Variants in CBLB observed in about 807,000 individuals in gnomAD.
CBLB encodes Cbl proto-oncogene B.
A neutral mutation model predicts 104.9 loss-of-function variants in CBLB; 31 were observed. The ratio of observed to expected loss-of-function variants is 0.30; its 90% CI spans 0.22 to 0.40. The LOEUF (loss-of-function observed/expected upper bound fraction) is 0.40, where lower values mean the gene tolerates loss of function less well. CBLB is among the 10% of genes least tolerant of loss of function. CBLB has a pLI of 1.00. For missense variants in CBLB, 1,062 were observed against 1,214.6 expected, an observed-to-expected ratio of 0.87 and a Z score of 1.87; for synonymous variants, 440 against 422.6, an observed-to-expected ratio of 1.04 and a Z score of -0.51.
rs2063398449 is a variant in CBLB at position 105,657,085 on chromosome 3, G to A, written c.*1885C>T. The A allele has an allele frequency of 4.4e-6, 1 of 226,844 alleles. No individual in the cohort carries two copies. The highest frequency in any genetic ancestry group is 6.3e-5 in the East Asian group (1 of 15,786). 14.1% of individuals were successfully genotyped at this position (226,844 alleles called of 1,614,324 possible). ...ACCATCTGAAAAAATTCATACAAAA[G>A]CAGAAATTACCCAAGGCCTGTGAGT... On this transcript the variant is annotated 3_prime_UTR_variant, in exon 19 of 19. Coordinates refer to ENST00000394030, the MANE Select transcript of CBLB (RefSeq NM_170662.5).
chr3:105,727,337 G>A (rs1396150049), intron 9 of CBLB, among the ~76,000 whole-genome samples: 1 of 152,152 alleles, frequency 6.6e-6, no homozygotes, highest in Non-Finnish European at 1.5e-5. Context: ...TTTGCTGGCT[G>A]CATAAATGTC....
chr3:105,713,079 G>T (rs1008884335), intron 10 of CBLB, among the ~76,000 whole-genome samples: 2 of 152,052 alleles, frequency 1.3e-5, no homozygotes, highest in Admixed American at 6.6e-5. Context: ...AGACTATGCT[G>T]GGCATTAGAG....
At chr3:105,723,118 T>C (rs982236753) in intron 9 of CBLB, among the ~76,000 whole-genome samples, 20 of 152,290 alleles carry the variant, frequency 1.3e-4, no homozygotes, top group Admixed American at 4.6e-4. Flanking sequence ...ATAAATGGAC[T>C]ACTGTCACAT....
intron 2 of CBLB, among the ~76,000 whole-genome samples, chr3:105,865,763 C>T (rs1171105795): frequency 6.6e-6 from 1 of 152,138 alleles, no homozygotes; most frequent in Non-Finnish European, 1.5e-5. Flanking sequence ...ACACTGACCA[C>T]TCAAAGTTGG....
chr3:105,812,845 A>C (rs1048369463), intron 3 of CBLB, among the ~76,000 whole-genome samples: 10 of 152,158 alleles, frequency 6.6e-5, no homozygotes, highest in African/African-American at 2.4e-4. Context: ...AATAAAATCA[A>C]TATCTTAATG....
intron 3 of CBLB, among the ~76,000 whole-genome samples, chr3:105,798,913 C>T (rs1028765663): frequency 6.6e-6 from 1 of 152,078 alleles, no homozygotes; most frequent in Non-Finnish European, 1.5e-5. Flanking sequence ...GCAGGAGCAT[C>T]ACAGAGAAAG....
intron 17 of CBLB, chr3:105,671,967 AAACAAATAT>A (rs1466541189): frequency 4.2e-5 from 8 of 192,086 alleles, no homozygotes; most frequent in African/African-American, 1.9e-4. Context: ...AAACCAAAGG[AAACAAATAT>A]GGTGATTTCA....
chr3:105,664,593 T>C (rs2064163656), intron 18 of CBLB, among the ~76,000 whole-genome samples: 1 of 152,170 alleles, frequency 6.6e-6, no homozygotes, highest in South Asian at 2.1e-4. Flanking sequence ...TATTTTCCAA[T>C]GCGTGTATAA....
chr3:105,865,105 GAACT>G (rs1340042258), intron 2 of CBLB, among the ~76,000 whole-genome samples: 2 of 151,944 alleles, frequency 1.3e-5, no homozygotes, highest in Non-Finnish European at 2.9e-5. Flanking sequence ...ATTAACTTCA[GAACT>G]AATAATAAAG....
In CBLB at chr3:105,853,419, C is replaced by T; in HGVS notation, c.414G>A (p.Gln138=). The change falls in exon 3 of 19, where the codon CAG becomes CAA. Residue 138 remains glutamine (Q), a synonymous_variant. Transcript: ENST00000394030. Reference sequence around the variant, plus strand: ...ATCTGAAATATTCTTCTTACCTGTCCTGTGACTGTTCTTCATACATTCTCT... The same window carrying T: ...ATCTGAAATATTCTTCTTACCTGTCTTGTGACTGTTCTTCATACATTCTCT... ...GKERMYEEQS[Q]DRRNLTKLSL... 6.2e-7 allele frequency: 1 copy of T among 1,613,656 alleles called. No homozygotes were observed. Among genetic ancestry groups the T allele is most frequent in the African/African-American group, 1.3e-5 (1 of 75,040 alleles).
chr3:105,857,587 T>C (rs2091735391), intron 2 of CBLB, among the ~76,000 whole-genome samples: 1 of 152,234 alleles, frequency 6.6e-6, no homozygotes, highest in African/African-American at 2.4e-5. Flanking sequence ...TTGTATCTTC[T>C]GAATCTCGGG....
intron 1 of CBLB, 112 bp downstream of exon 1, chr3:105,868,623 GC>G (rs1706576493): frequency 1.2e-5 from 8 of 683,712 alleles, no homozygotes; most frequent in Non-Finnish European, 1.5e-5. Context: ...GGCGGCAAAG[GC>G]AGCTGAGAGC....
intron 2 of CBLB, among the ~76,000 whole-genome samples, chr3:105,857,845 G>T (rs1419667002): frequency 6.6e-6 from 1 of 152,134 alleles, no homozygotes; most frequent in Non-Finnish European, 1.5e-5. Flanking sequence ...CTTAGGAAAA[G>T]AATTACAGGA....
chr3:105,841,450 CAAGATATATATA>C (rs554161599), intron 3 of CBLB, among the ~76,000 whole-genome samples: 20 of 151,218 alleles, frequency 1.3e-4, no homozygotes, highest in Non-Finnish European at 2.8e-4. Flanking sequence ...TGGCAGAAAC[CAAGATATATATA>C]TATTTTTTGA....
chr3:105,755,368 T>G (rs1470327241), intron 4 of CBLB, among the ~76,000 whole-genome samples: 1 of 152,170 alleles, frequency 6.6e-6, no homozygotes, highest in African/African-American at 2.4e-5. Flanking sequence ...AGTTGACAAA[T>G]CACTTAATCT....
At chr3:105,660,870 T>C (rs1312646421) in intron 18 of CBLB, among the ~76,000 whole-genome samples, 2 of 152,090 alleles carry the variant, frequency 1.3e-5, no homozygotes, top group African/African-American at 4.8e-5. Context: ...AAAAACATCA[T>C]CCTATATACA....
chr3:105,713,123 T>C (rs1029612201), intron 10 of CBLB, among the ~76,000 whole-genome samples: 2 of 152,110 alleles, frequency 1.3e-5, no homozygotes, highest in African/African-American at 2.4e-5. Flanking sequence ...ACTTTAAAAA[T>C]AATATTAATA....
chr3:105,846,106 A>C (rs963692229), intron 3 of CBLB, among the ~76,000 whole-genome samples: 1 of 152,088 alleles, frequency 6.6e-6, no homozygotes, highest in African/African-American at 2.4e-5. Flanking sequence ...GCAAACAAAT[A>C]TAGAAAAAAT....
chr3:105,706,860 C>A (rs1031829973), intron 10 of CBLB, among the ~76,000 whole-genome samples: 2 of 152,172 alleles, frequency 1.3e-5, no homozygotes, highest in East Asian at 3.9e-4. Context: ...GATGTACACA[C>A]TGCAAAGACT....
Sources: allele counts gnomAD v4.1 joint callset (sites outside exome capture counted in the v4.1 genomes callset), GRCh38; gene constraint gnomAD v4.1.1; transcripts MANE v1.5; gene names NCBI Gene and HGNC (gene_info 2026-07-23, HGNC 2026-07-21).